The following C2CD5 variants were observed in gnomAD, a reference collection of about 807,000 sequenced individuals.
C2CD5 encodes the protein C2 domain-containing protein 5.
In C2CD5, 109 loss-of-function variants were observed where a neutral mutation model predicts 130.3. The ratio of observed to expected loss-of-function variants is 0.84; its 90% CI spans 0.72 to 0.98. C2CD5 has a LOEUF of 0.98. C2CD5 is among the 50% of genes least tolerant of loss of function. The probability of loss-of-function intolerance (pLI) is 0.00; values close to 1 mark genes in which losing one functional copy is unlikely to be tolerated. For missense variants in C2CD5, 996 were observed against 1,261.8 expected, an observed-to-expected ratio of 0.79 and a Z score of 3.19; for synonymous variants, 454 against 429.2, an observed-to-expected ratio of 1.06 and a Z score of -0.71.
chr12:22,535,966 C>A (rs1951779927), intron 2 of C2CD5, among the ~76,000 whole-genome samples: 1 of 152,054 alleles, frequency 6.6e-6, no homozygotes, highest in Non-Finnish European at 1.5e-5. Flanking sequence ...ATATCAGCAG[C>A]ATTACTGTAG....
chr12:22,508,812 G>A (rs1948862285), intron 9 of C2CD5, among the ~76,000 whole-genome samples: 2 of 151,748 alleles, frequency 1.3e-5, no homozygotes, highest in African/African-American at 2.4e-5. Flanking sequence ...AAATATCTGA[G>A]GCATGTGGTG....
intron 2 of C2CD5, among the ~76,000 whole-genome samples, chr12:22,535,716 G>A (rs2137244041): frequency 6.6e-6 from 1 of 152,232 alleles, no homozygotes; most frequent in South Asian, 2.1e-4. Flanking sequence ...ATCAAAAGAT[G>A]ATCAACCTCA....
intron 26 of C2CD5, among the ~76,000 whole-genome samples, chr12:22,453,023 T>C (rs1939032068): frequency 6.6e-6 from 1 of 152,232 alleles, no homozygotes; most frequent in South Asian, 2.1e-4. Context: ...TACTAAGAAT[T>C]TAAATGATTT....
chr12:22,527,618 T>A (rs1163758334), intron 4 of C2CD5, 103 bp downstream of exon 4: 1 of 694,118 alleles, frequency 1.4e-6, no homozygotes, highest in East Asian at 3.1e-5. Flanking sequence ...GCACCTAGCC[T>A]AAAGATACAT....
chr12:22,455,219 T>C (rs930711986), intron 25 of C2CD5, among the ~76,000 whole-genome samples: 4 of 152,210 alleles, frequency 2.6e-5, no homozygotes, highest in African/African-American at 9.6e-5. Context: ...TCAATCATAG[T>C]TCAGTATATT....
intron 6 of C2CD5, 112 bp from the exon 7 acceptor site, chr12:22,523,736 TCAGAA>T: frequency 2.5e-6 from 2 of 787,456 alleles, no homozygotes; most frequent in Non-Finnish European, 4.1e-6. Context: ...TCACAGATTT[TCAGAA>T]CTTGAAGGAA....
Position 22,459,492 on chromosome 12 carries a change from C to T in C2CD5, c.2584G>A (p.Ala862Thr). 6.5e-7 allele frequency: 1 copy of T among 1,528,148 alleles called. No individual in the cohort carries two copies. Among genetic ancestry groups the T allele is most frequent in the Non-Finnish European group, 8.8e-7 (1 of 1,139,866 alleles). 94.7% of individuals were successfully genotyped at this position (1,528,148 alleles called of 1,614,324 possible). A position where few individuals can be genotyped will look rare whatever the true frequency, so the allele number is the denominator to read the frequency against. The change falls in exon 23 of 27, where the codon GCA becomes ACA. Residue 862 changes from alanine to threonine, a missense_variant and splice_region_variant. This residue lies in a region of C2CD5 where 590 missense variants were observed against 631.4 expected (regional missense o/e 0.93). Transcript: ENST00000446597. Reference sequence around the variant, plus strand: ...TATTTGCTTAATTAGACAAACTCACCTCTCTGTGCAGCTGGTATACCTGAG... The same window carrying T: ...TATTTGCTTAATTAGACAAACTCACTTCTCTGTGCAGCTGGTATACCTGAG... ...SNSGIPAAQR[A>T]TSVDYSSFAD...
intron 10 of C2CD5, among the ~76,000 whole-genome samples, chr12:22,501,268 T>C (rs1267931612): frequency 1.3e-5 from 2 of 152,312 alleles, no homozygotes; most frequent in East Asian, 1.9e-4. Flanking sequence ...TGGCAAGATA[T>C]ACTGCTTCCT....
intron 10 of C2CD5, among the ~76,000 whole-genome samples, chr12:22,494,986 G>T (rs1187125283): frequency 6.6e-6 from 1 of 151,946 alleles, no homozygotes; most frequent in Non-Finnish European, 1.5e-5. Context: ...ATCATAAGAT[G>T]AACTATTATT....
rs183568164 is a variant in C2CD5, at chr12:22,534,536, C to T, written c.177+722G>A. 3.0e-4 allele frequency among the ~76,000 whole-genome samples: 45 copies of T among 152,118 alleles called. 2 individuals are homozygous for T. The highest frequency in any genetic ancestry group is 1.1e-3 in the African/African-American group (44 of 41,502). On this transcript the variant is annotated intron_variant, in intron 3 of 26. Coordinates refer to ENST00000446597, the MANE Select transcript of C2CD5 (RefSeq NM_001286176.2). ...AACTTTTACAACTCAATAAAAATAA[C>T]TCAATTAGAAAATAAAATGTGGCAT...
chr12:22,497,495 A>T (rs1358766566), intron 10 of C2CD5: 3 of 247,368 alleles, frequency 1.2e-5, no homozygotes, highest in Non-Finnish European at 1.9e-5. Context: ...AGGAGATAAA[A>T]TGTTAGGTTG....
rs750393334 is a variant in C2CD5 at position 22,470,893 on chromosome 12, C to A, written c.2377G>T (p.Ala793Ser). The A allele has an allele frequency of 3.7e-6, 6 of 1,610,504 alleles. No individual in the cohort carries two copies. In the Admixed American group the frequency reaches 8.4e-5, roughly 22 times the overall value. The change falls in exon 21 of 27, where the codon GCA becomes TCA. Residue 793 changes from alanine (A) to serine (S), a missense_variant. Ala to Ser is a moderately conservative substitution (Grantham distance 99). Around this residue, in one of 9 missense-constraint regions of C2CD5, gnomAD observed 590 missense variants for 631.4 expected, o/e 0.93. Coordinates refer to ENST00000446597, the MANE Select transcript of C2CD5 (RefSeq NM_001286176.2). ...ELIQVTVTAV[A>S]ITFDKNQALQ... ...GCCTGATTTTTGTCAAAAGTGATTG[C>A]GACTGCCGTGACTGTAACCTAGAAT...
intron 3 of C2CD5, 60 bp from the exon 4 acceptor site, chr12:22,527,952 G>A (rs1024412650): frequency 5.2e-6 from 5 of 955,452 alleles, no homozygotes; most frequent in Non-Finnish European, 7.5e-6. Context: ...TACCACAAAT[G>A]TATACCTATA....
intron 25 of C2CD5, among the ~76,000 whole-genome samples, chr12:22,454,590 G>C (rs1939438047): frequency 1.4e-5 from 2 of 139,046 alleles, no homozygotes; most frequent in Non-Finnish European, 3.1e-5. Flanking sequence ...TTTTTTCAGA[G>C]AACAACTCAT....
chr12:22,535,412 C>T (rs1040215055), intron 2 of C2CD5, 68 bp from the exon 3 acceptor site: 2 of 805,782 alleles, frequency 2.5e-6, no homozygotes, highest in African/African-American at 1.7e-5. Context: ...ATTTTAATGT[C>T]AGCCAACCAA....
At chr12:22,509,700 C>G (rs1405537550) in intron 9 of C2CD5, among the ~76,000 whole-genome samples, 2 of 152,190 alleles carry the variant, frequency 1.3e-5, no homozygotes, top group African/African-American at 4.8e-5. Flanking sequence ...CTTCTATGTG[C>G]CAGGCCCTGT....
At chr12:22,477,090 T>C (rs1178512749) in intron 15 of C2CD5, among the ~76,000 whole-genome samples, 3 of 152,142 alleles carry the variant, frequency 2.0e-5, no homozygotes, top group Admixed American at 6.6e-5. Flanking sequence ...GCAAGCCACA[T>C]ACATAATAAA....
chr12:22,499,647 T>A (rs1947497447), intron 10 of C2CD5, among the ~76,000 whole-genome samples: 1 of 152,168 alleles, frequency 6.6e-6, no homozygotes, highest in Non-Finnish European at 1.5e-5. Context: ...AAGCCCATTC[T>A]CCACCCTATA....
Position 22,531,490 on chromosome 12 carries a change from T to C in C2CD5, c.178-3598A>G, listed in dbSNP as rs116251591. ...GCGGAAATAAATCCTTACATCTATG[T>C]CCAACTGATTTTTTTTAACTTGCCT... On this transcript the variant is annotated intron_variant, in intron 3 of 26. Transcript: ENST00000446597. 3.7e-3 allele frequency among the ~76,000 whole-genome samples: 571 copies of C among 152,274 alleles called. 5 individuals carry two copies. Among genetic ancestry groups the C allele is most frequent in the African/African-American group, 0.013 (548 of 41,548 alleles).
Sources: gnomAD v4.1 joint callset for allele counts (sites outside exome capture counted in the v4.1 genomes callset) on GRCh38, gnomAD v4.1.1 for gene constraint, gnomAD v4.1.1 regional missense constraint, MANE v1.5 for transcripts, NCBI Gene and HGNC (gene_info 2026-07-23, HGNC 2026-07-21) for gene names.